HDAC9: variants seen among roughly 807,000 people sequenced by gnomAD.
HDAC9 encodes the protein MEF-2 interacting transcription repressor (MITR) protein.
A neutral mutation model predicts 139.4 loss-of-function variants in HDAC9; 41 were observed. That is an observed-to-expected ratio of 0.29 (90% confidence interval 0.23 to 0.38). HDAC9 has a LOEUF of 0.38. Ranked by LOEUF, HDAC9 falls within the 10% of genes least tolerant of loss-of-function variation. HDAC9 has a pLI of 1.00. For synonymous variants in HDAC9, 517 were observed against 476.2 expected (o/e 1.09, Z -1.12); for missense variants, 1,147 against 1,297.0 (o/e 0.88, Z 1.78).
chr7:18,690,108 G>A (rs1220981922), intron 12 of HDAC9, among the ~76,000 whole-genome samples: 7 of 151,954 alleles, frequency 4.6e-5, no homozygotes. Flanking sequence ...TTCATTTCCA[G>A]ACAGCATATT....
chr7:18,879,169 C>G (rs1799540304), intron 22 of HDAC9, among the ~76,000 whole-genome samples: 1 of 152,022 alleles, frequency 6.6e-6, no homozygotes, highest in Non-Finnish European at 1.5e-5. Context: ...GAAACATAAA[C>G]AAATGGAAAA....
chr7:18,183,502 T>C (rs905012119), intron 2 of HDAC9, among the ~76,000 whole-genome samples: 1 of 152,194 alleles, frequency 6.6e-6, no homozygotes, highest in South Asian at 2.1e-4. Flanking sequence ...TTTCAAATCC[T>C]TGGGGATCTT....
intron 21 of HDAC9, among the ~76,000 whole-genome samples, chr7:18,843,041 T>A (rs1796687718): frequency 6.6e-6 from 1 of 152,092 alleles, no homozygotes. Context: ...CTATAAAAAT[T>A]TTAAGACAAT....
chr7:18,491,491 C>T (rs1035653686), upstream of HDAC9, among the ~76,000 whole-genome samples: 3 of 151,770 alleles, frequency 2.0e-5, no homozygotes, highest in African/African-American at 4.8e-5. Context: ...CTTAAATTTC[C>T]GGATGAAGAA....
intron 2 of HDAC9, among the ~76,000 whole-genome samples, chr7:18,498,005 A>C (rs1797378822): frequency 6.6e-6 from 1 of 152,124 alleles, no homozygotes; most frequent in Non-Finnish European, 1.5e-5. Context: ...CAAAGCAACA[A>C]GATTTTCAGA....
intron 1 of HDAC9, among the ~76,000 whole-genome samples, chr7:18,405,927 G>C (rs1453332888): frequency 6.6e-6 from 1 of 152,160 alleles, no homozygotes; most frequent in Non-Finnish European, 1.5e-5. Flanking sequence ...GTTCCTCTCT[G>C]TTCTGACCAG....
intron 1 of HDAC9, among the ~76,000 whole-genome samples, chr7:18,296,059 T>C (rs1250734306): frequency 6.6e-6 from 1 of 152,136 alleles, no homozygotes; most frequent in East Asian, 1.9e-4. Flanking sequence ...AGTAGGTTTG[T>C]GTAGTAAGTG....
chr7:18,502,340 A>C (rs1174758969), intron 2 of HDAC9: 1 of 152,106 alleles, frequency 6.6e-6, no homozygotes, highest in East Asian at 1.9e-4. Flanking sequence ...CTATTCTTTC[A>C]CTTGTTTTTC....
chr7:18,232,477 T>G (rs922811643), intron 2 of HDAC9, among the ~76,000 whole-genome samples: 5 of 152,164 alleles, frequency 3.3e-5, no homozygotes, highest in Admixed American at 3.3e-4. Context: ...CCTGTCCCCC[T>G]AGTTGGACCT....
At chr7:18,102,219 T>C (rs932417322) in intron 1 of HDAC9, among the ~76,000 whole-genome samples, 1 of 152,210 alleles carries the variant, frequency 6.6e-6, no homozygotes, top group Non-Finnish European at 1.5e-5. Context: ...AAGGGCACAA[T>C]TGACTGTGAT....
chr7:18,628,199 G>A (rs970267370), intron 6 of HDAC9, among the ~76,000 whole-genome samples: 8 of 152,098 alleles, frequency 5.3e-5, no homozygotes, highest in African/African-American at 1.7e-4. Flanking sequence ...AAAGCTGGAA[G>A]AGCAACATTT....
intron 14 of HDAC9, among the ~76,000 whole-genome samples, chr7:18,758,649 C>A (rs1353906160): frequency 6.6e-6 from 1 of 152,124 alleles, no homozygotes; most frequent in Non-Finnish European, 1.5e-5. Flanking sequence ...CCAGGAGATC[C>A]TATGTGTTAA....
intron 2 of HDAC9, among the ~76,000 whole-genome samples, chr7:18,179,412 G>C (rs1194155711): frequency 2.6e-5 from 4 of 152,150 alleles, no homozygotes; most frequent in African/African-American, 9.7e-5. Flanking sequence ...GACATGTTAA[G>C]GTTTGACTGT....
intron 2 of HDAC9, among the ~76,000 whole-genome samples, chr7:18,504,430 A>G (rs1172436066): frequency 2.0e-5 from 3 of 152,020 alleles, no homozygotes; most frequent in Admixed American, 6.6e-5. Context: ...TCAGCCTCCC[A>G]AGTAGCTGGG....
At chr7:18,347,436 C>T (rs1477627058) in intron 1 of HDAC9, among the ~76,000 whole-genome samples, 2 of 152,132 alleles carry the variant, frequency 1.3e-5, no homozygotes, top group Non-Finnish European at 2.9e-5. Context: ...AATACTAGAA[C>T]ATCCTTACTT....
intron 1 of HDAC9, among the ~76,000 whole-genome samples, chr7:18,370,554 C>A (rs1257676689): frequency 2.0e-5 from 3 of 152,120 alleles, no homozygotes; most frequent in Admixed American, 2.0e-4. Context: ...GTTTAGCAAG[C>A]TGAACACTGC....
chr7:18,391,078 G>C (rs149524741), intron 1 of HDAC9, among the ~76,000 whole-genome samples: 1 of 152,238 alleles, frequency 6.6e-6, no homozygotes, highest in African/African-American at 2.4e-5. Flanking sequence ...AATAGAGTGA[G>C]ACTCCATCTC....
At chr7:18,802,488 T>C (rs2129184384) in intron 17 of HDAC9, among the ~76,000 whole-genome samples, 1 of 152,014 alleles carries the variant, frequency 6.6e-6, no homozygotes, top group East Asian at 1.9e-4. Flanking sequence ...CACATATTAT[T>C]GAGTGTAATA....
intron 1 of HDAC9, among the ~76,000 whole-genome samples, chr7:18,376,733 C>CT (rs1785020550): frequency 1.3e-5 from 2 of 152,084 alleles, no homozygotes; most frequent in African/African-American, 2.4e-5. Context: ...CACTGTATCT[C>CT]TAGCCTAGAA....
Sources: gnomAD v4.1 joint callset for allele counts (sites outside exome capture counted in the v4.1 genomes callset) on GRCh38, gnomAD v4.1.1 for gene constraint, MANE v1.5 for transcripts, NCBI Gene and HGNC (gene_info 2026-07-23, HGNC 2026-07-21) for gene names.